FHIT: variants seen among roughly 807,000 people sequenced by gnomAD.
FHIT encodes the protein fragile histidine triad diadenosine triphosphatase.
A neutral mutation model predicts 17.9 loss-of-function variants in FHIT; 19 were observed. That is an observed-to-expected ratio of 1.06 (90% CI 0.74 to 1.56). The LOEUF (loss-of-function observed/expected upper bound fraction) is 1.56, where lower values mean the gene tolerates loss of function less well. Among genes scored for constraint, FHIT ranks in the 40% most tolerant of loss-of-function variants. The probability of loss-of-function intolerance (pLI) is 0.00; values close to 1 mark genes in which losing one functional copy is unlikely to be tolerated. For synonymous variants in FHIT, 81 were observed against 69.7 expected (o/e 1.16, Z -0.81); for missense variants, 248 against 189.2 (o/e 1.31, Z -1.82).
chr3:60,779,435 C>G (rs537089511), intron 4 of FHIT, among the ~76,000 whole-genome samples: 2 of 152,198 alleles, frequency 1.3e-5, no homozygotes, highest in South Asian at 2.1e-4. Flanking sequence ...TCCTGCAAAC[C>G]CTGCCAGGTG....
chr3:60,790,056 G>A (rs1347565482), intron 4 of FHIT, among the ~76,000 whole-genome samples: 1 of 152,158 alleles, frequency 6.6e-6, no homozygotes, highest in Non-Finnish European at 1.5e-5. Flanking sequence ...TAATACTCTG[G>A]CTTTGAAATT....
chr3:60,271,146 T>C (rs540410836), intron 5 of FHIT, among the ~76,000 whole-genome samples: 1 of 152,208 alleles, frequency 6.6e-6, no homozygotes, highest in Admixed American at 6.5e-5. Flanking sequence ...ACACCTATAA[T>C]CCCAGAACTT....
chr3:61,134,664 C>A (rs1170099616), intron 2 of FHIT, among the ~76,000 whole-genome samples: 2 of 152,040 alleles, frequency 1.3e-5, no homozygotes, highest in Non-Finnish European at 2.9e-5. Context: ...GACTTAGGTG[C>A]AGGAGTTTAT....
chr3:61,113,718 T>C lies in FHIT; in HGVS notation c.-163-71619A>G, dbSNP rs141774567. Reference sequence around the variant, plus strand: ...ACTAGAGCCAGGACCATGTCTATCTTTGCCCCCATTGTAACCCCAGCCTCT... The same window carrying C: ...ACTAGAGCCAGGACCATGTCTATCTCTGCCCCCATTGTAACCCCAGCCTCT... On this transcript the variant is annotated intron_variant, in intron 2 of 9. Transcript: ENST00000492590. Among the ~76,000 whole-genome samples, 88 of 152,314 alleles carry C rather than the reference T, an allele frequency of 5.8e-4. 1 individual carries two copies. Among genetic ancestry groups the C allele is most frequent in the African/African-American group, 2.1e-3 (86 of 41,564 alleles).
At chr3:59,806,105 C>T (rs1700184732) in intron 8 of FHIT, among the ~76,000 whole-genome samples, 1 of 150,962 alleles carries the variant, frequency 6.6e-6, no homozygotes, top group Non-Finnish European at 1.5e-5. Flanking sequence ...GGCGTGAACC[C>T]AGGAGGCGGA....
At position 59,982,351 on chromosome 3, in the gene FHIT, G is replaced by T. The variant is rs139047601; in HGVS notation, c.279+29020C>A. 4.6e-5 allele frequency among the ~76,000 whole-genome samples: 7 copies of T among 152,166 alleles called. No individual in the cohort carries two copies. The East Asian group carries it at 1.4e-3, about 29-fold the overall frequency. ...CCCCCAAGAAACTTTTGAGATTCCA[G>T]TGTCAAGTGAAATCACAGAAGAAAA... On this transcript the variant is annotated intron_variant, in intron 7 of 9. Transcript: ENST00000492590.
At chr3:60,582,314 T>TTA in intron 4 of FHIT, among the ~76,000 whole-genome samples, 1 of 152,264 alleles carries the variant, frequency 6.6e-6, no homozygotes, top group Admixed American at 6.5e-5. Flanking sequence ...AATTGATGAA[T>TTA]GCCCTCGTCA....
At position 60,321,758 on chromosome 3, in the gene FHIT, G is replaced by A. The variant is rs78331694; in HGVS notation, c.103+215102C>T. Among the ~76,000 whole-genome samples, 902 of 152,316 alleles carry A rather than the reference G, an allele frequency of 5.9e-3. 8 individuals are homozygous for A. The highest frequency in any genetic ancestry group is 0.021 in the African/African-American group (858 of 41,574). On this transcript the variant is annotated intron_variant, in intron 5 of 9. Coordinates refer to ENST00000492590, the MANE Select transcript of FHIT (RefSeq NM_002012.4). ...TTTATTTTTCACAGTTCTGGAGGCT[G>A]AGAAGCCCAAGATGAAGGTGCTGGC...
chr3:60,530,456 G>C, intron 5 of FHIT, among the ~76,000 whole-genome samples: 1 of 152,232 alleles, frequency 6.6e-6, no homozygotes, highest in Non-Finnish European at 1.5e-5. Context: ...AATTCCTTCA[G>C]CATCAGCTTC....
chr3:60,995,344 G>A (rs1411308882), intron 3 of FHIT, among the ~76,000 whole-genome samples: 1 of 149,958 alleles, frequency 6.7e-6, no homozygotes, highest in Non-Finnish European at 1.5e-5. Flanking sequence ...AATAATAATA[G>A]TTTAATAACT....
At chr3:60,175,456 A>G (rs1701626535) in intron 5 of FHIT, among the ~76,000 whole-genome samples, 1 of 152,214 alleles carries the variant, frequency 6.6e-6, no homozygotes, top group Non-Finnish European at 1.5e-5. Flanking sequence ...CTTCCTAGTT[A>G]TAATATCTTG....
rs187719049 is a variant in FHIT at position 60,316,877 on chromosome 3, G to T, written c.103+219983C>A. Among the ~76,000 whole-genome samples, 21 of 152,302 alleles carry T rather than the reference G, an allele frequency of 1.4e-4. No individual in the cohort carries two copies. The East Asian group carries it at 3.7e-3, about 27-fold the overall frequency. On this transcript the variant is annotated intron_variant, in intron 5 of 9. Transcript: ENST00000492590. Reference sequence around the variant, plus strand: ...TATACACAGCAATGTAGTGTGGTCTGAGGACTTTGGATTACCTGCAGAGCT... The same window carrying T: ...TATACACAGCAATGTAGTGTGGTCTTAGGACTTTGGATTACCTGCAGAGCT...
At chr3:60,149,265 C>A (rs1399657867) in intron 5 of FHIT, among the ~76,000 whole-genome samples, 1 of 151,798 alleles carries the variant, frequency 6.6e-6, no homozygotes, top group Non-Finnish European at 1.5e-5. Context: ...TCAACTAGAA[C>A]TCAAAGAGAG....
At chr3:59,758,238 C>T (rs929001690) in intron 8 of FHIT, among the ~76,000 whole-genome samples, 1 of 152,174 alleles carries the variant, frequency 6.6e-6, no homozygotes, top group Non-Finnish European at 1.5e-5. Flanking sequence ...ACACATGATG[C>T]GAGTACCAGT....
chr3:60,158,554 C>T (rs1228641076), intron 5 of FHIT, among the ~76,000 whole-genome samples: 2 of 152,008 alleles, frequency 1.3e-5, no homozygotes, highest in Non-Finnish European at 2.9e-5. Flanking sequence ...TCAGATGATC[C>T]GCCCGCCTCT....
chr3:60,408,961 C>T (rs1701970673), intron 5 of FHIT, among the ~76,000 whole-genome samples: 1 of 152,024 alleles, frequency 6.6e-6, no homozygotes, highest in South Asian at 2.1e-4. Context: ...TTCTGTAGCA[C>T]AGAGTTTAGG....
At chr3:61,083,158 A>T (rs1456707306) in intron 2 of FHIT, among the ~76,000 whole-genome samples, 1 of 152,150 alleles carries the variant, frequency 6.6e-6, no homozygotes, top group African/African-American at 2.4e-5. Context: ...CTATTGTTTT[A>T]AAAATAGTTT....
intron 8 of FHIT, among the ~76,000 whole-genome samples, chr3:59,822,419 G>A (rs999018395): frequency 2.6e-5 from 4 of 152,096 alleles, no homozygotes; most frequent in African/African-American, 9.7e-5. Context: ...CATCAGCAGT[G>A]TAGAGGTGTT....
chr3:61,156,115 T>C (rs2037527031), intron 2 of FHIT, among the ~76,000 whole-genome samples: 1 of 152,200 alleles, frequency 6.6e-6, no homozygotes, highest in South Asian at 2.1e-4. Flanking sequence ...GTGACTCCAC[T>C]CAAAGAGGTC....
Sources: gnomAD v4.1 joint callset for allele counts (sites outside exome capture counted in the v4.1 genomes callset) on GRCh38, gnomAD v4.1.1 for gene constraint, MANE v1.5 for transcripts, NCBI Gene and HGNC (gene_info 2026-07-23, HGNC 2026-07-21) for gene names.